CBL: variants seen among roughly 807,000 people sequenced by gnomAD.
CBL encodes E3 ubiquitin-protein ligase CBL.
In CBL, 45 loss-of-function variants were observed where a neutral mutation model predicts 96.9. That is an observed-to-expected ratio of 0.46 (90% CI 0.37 to 0.60). CBL has a LOEUF of 0.60. CBL is among the 20% of genes least tolerant of loss of function. The pLI, the probability that CBL is intolerant of heterozygous loss-of-function variation, is 0.00. For synonymous variants in CBL, 420 were observed against 426.8 expected (o/e 0.98, Z 0.20); for missense variants, 1,024 against 1,143.5 (o/e 0.90, Z 1.51).
At chr11:119,293,259 C>T (rs1196432697) in intron 12 of CBL, among the ~76,000 whole-genome samples, 1 of 152,030 alleles carries the variant, frequency 6.6e-6, no homozygotes, top group East Asian at 1.9e-4. Context: ...CATGTGCCAC[C>T]ACCACGTCTG....
intron 2 of CBL, among the ~76,000 whole-genome samples, chr11:119,255,596 T>C (rs1240350558): frequency 1.3e-5 from 2 of 152,130 alleles, no homozygotes; most frequent in African/African-American, 2.4e-5. Flanking sequence ...TAGGACTTTT[T>C]CCATCTATAT....
chr11:119,287,771 T>G, intron 11 of CBL, 81 bp from the exon 12 acceptor site: 1 of 911,998 alleles, frequency 1.1e-6, no homozygotes, highest in Non-Finnish European at 1.8e-6. Context: ...TCTGTTATTG[T>G]TATTTTGAAA....
chr11:119,258,981 G>C (rs1454523153), intron 2 of CBL, among the ~76,000 whole-genome samples: 1 of 152,118 alleles, frequency 6.6e-6, no homozygotes, highest in Non-Finnish European at 1.5e-5. Flanking sequence ...TCTCCTTGTA[G>C]AGATCTTTCA....
intron 2 of CBL, among the ~76,000 whole-genome samples, chr11:119,248,452 A>G (rs1312052376): frequency 2.0e-5 from 3 of 152,234 alleles, no homozygotes; most frequent in Non-Finnish European, 4.4e-5. Context: ...CTTATGTTGC[A>G]TATAAAAATC....
At chr11:119,271,337 A>G (rs1006580461) in intron 2 of CBL, among the ~76,000 whole-genome samples, 13 of 152,322 alleles carry the variant, frequency 8.5e-5, no homozygotes, top group Admixed American at 3.3e-4. Flanking sequence ...TATTAATTCA[A>G]GATTAAAAGC....
At chr11:119,255,093 C>T (rs1949701106) in intron 2 of CBL, among the ~76,000 whole-genome samples, 1 of 152,092 alleles carries the variant, frequency 6.6e-6, no homozygotes, top group Non-Finnish European at 1.5e-5. Flanking sequence ...TGAAAGAATT[C>T]TGCCTGCCTT....
At position 119,275,979 on chromosome 11, in the gene CBL, G is replaced by T. The variant is rs1440973761; in HGVS notation, c.870-18G>T. ...ACCAGCATAATCTACTAAAGCTTCT[G>T]TTTATGTCTGTTCATAGTTATATCT... On this transcript the variant is annotated intron_variant, in intron 5 of 15. Coordinates refer to ENST00000264033, the MANE Select transcript of CBL (RefSeq NM_005188.4). 2 of 1,613,258 alleles carry T rather than the reference G, an allele frequency of 1.2e-6. No homozygotes were observed. The highest frequency in any genetic ancestry group is 2.7e-5 in the African/African-American group (2 of 74,442).
At chr11:119,212,972 C>A (rs867037207) in intron 1 of CBL, among the ~76,000 whole-genome samples, 34 of 109,084 alleles carry the variant, frequency 3.1e-4, no homozygotes, top group East Asian at 8.0e-4. Flanking sequence ...AACTCCGTCT[C>A]AAAAAAAAAG....
chr11:119,261,136 A>G (rs971483648), intron 2 of CBL, among the ~76,000 whole-genome samples: 2 of 150,998 alleles, frequency 1.3e-5, no homozygotes, highest in African/African-American at 4.9e-5. Context: ...CTGGTCTCGA[A>G]CTCCTGACCT....
At chr11:119,247,011 G>A (rs150628006) in intron 2 of CBL, among the ~76,000 whole-genome samples, 169 of 152,260 alleles carry the variant, frequency 1.1e-3, no homozygotes, top group African/African-American at 3.7e-3. Flanking sequence ...GCTGATGGTT[G>A]TGGATAGAAG....
At chr11:119,250,628 C>T (rs1263328121) in intron 2 of CBL, among the ~76,000 whole-genome samples, 4 of 152,108 alleles carry the variant, frequency 2.6e-5, no homozygotes, top group Non-Finnish European at 5.9e-5. Flanking sequence ...TTCAGGGGGT[C>T]CCTGTCCGCT....
chr11:119,232,165 G>A (rs548069429), intron 1 of CBL, among the ~76,000 whole-genome samples: 3 of 152,264 alleles, frequency 2.0e-5, no homozygotes, highest in African/African-American at 4.8e-5. Context: ...CATCTAGCAT[G>A]TTTTAGGGAT....
chr11:119,272,343 G>A (rs1051426864), intron 3 of CBL, among the ~76,000 whole-genome samples: 8 of 152,120 alleles, frequency 5.3e-5, no homozygotes, highest in Non-Finnish European at 7.4e-5. Flanking sequence ...GGATGGTCTC[G>A]ACTTCTGACC....
chr11:119,237,291 T>G (rs1949553348), intron 2 of CBL, among the ~76,000 whole-genome samples: 1 of 152,246 alleles, frequency 6.6e-6, no homozygotes. Flanking sequence ...TGTTGAGTTG[T>G]AAGATTTTCC....
intron 2 of CBL, among the ~76,000 whole-genome samples, chr11:119,265,794 G>A (rs573830014): frequency 4.2e-4 from 64 of 152,242 alleles, no homozygotes; most frequent in African/African-American, 1.4e-3. Context: ...AGGTCCAGGC[G>A]GGTGGATCAC....
chr11:119,265,842 G>A (rs1949798308), intron 2 of CBL, among the ~76,000 whole-genome samples: 1 of 152,086 alleles, frequency 6.6e-6, no homozygotes, highest in Admixed American at 6.5e-5. Context: ...GACCAACATG[G>A]AGAAACTCCG....
At chr11:119,278,108 C>T in intron 7 of CBL, 58 bp from the exon 8 acceptor site, 1 of 1,367,186 alleles carries the variant, frequency 7.3e-7, no homozygotes, top group African/African-American at 1.5e-5. Flanking sequence ...TTTCTGTTAA[C>T]ATTTATAATT....
chr11:119,263,622 ACTC>A (rs1427456591), intron 2 of CBL, among the ~76,000 whole-genome samples: 1 of 150,864 alleles, frequency 6.6e-6, no homozygotes, highest in African/African-American at 2.4e-5. Flanking sequence ...TTGGCTGAGA[ACTC>A]CTTTTGTAGG....
At chr11:119,251,927 G>A (rs1949672244) in intron 2 of CBL, among the ~76,000 whole-genome samples, 1 of 152,120 alleles carries the variant, frequency 6.6e-6, no homozygotes, top group African/African-American at 2.4e-5. Context: ...CCCCAAAACT[G>A]GCTACAAGAA....
Sources: gnomAD v4.1 joint callset for allele counts (sites outside exome capture counted in the v4.1 genomes callset) on GRCh38, gnomAD v4.1.1 for gene constraint, MANE v1.5 for transcripts, NCBI Gene and HGNC (gene_info 2026-07-23, HGNC 2026-07-21) for gene names.